RBFOX1: variants seen among roughly 807,000 people sequenced by gnomAD.
RBFOX1 encodes the protein RNA binding fox-1 homolog 1, also known as RNA binding protein fox-1 homolog 1.
RBFOX1 carries 8 observed loss-of-function variants against 57.7 expected under a neutral mutation model. The ratio of observed to expected loss-of-function variants is 0.14; its 90% confidence interval spans 0.08 to 0.25. The LOEUF (loss-of-function observed/expected upper bound fraction) is 0.25, where lower values mean the gene tolerates loss of function less well. RBFOX1 is among the 10% of genes least tolerant of loss of function. RBFOX1 has a pLI of 1.00. For missense variants in RBFOX1, 611 were observed against 548.5 expected, an observed-to-expected ratio of 1.11 and a Z score of -1.14; for synonymous variants, 326 against 222.4, an observed-to-expected ratio of 1.47 and a Z score of -4.15.
At chr16:5,843,268 A>G (rs1805786344) in intron 3 of RBFOX1, among the ~76,000 whole-genome samples, 1 of 152,178 alleles carries the variant, frequency 6.6e-6, no homozygotes, top group African/African-American at 2.4e-5. Context: ...ATAGTTATTT[A>G]TTCTGATCCT....
chr16:5,927,827 T>C (rs2058968249), intron 4 of RBFOX1, among the ~76,000 whole-genome samples: 1 of 152,168 alleles, frequency 6.6e-6, no homozygotes, highest in African/African-American at 2.4e-5. Context: ...GACCTTATGC[T>C]AAGTGAAATA....
At chr16:6,799,409 A>C (rs1379844384) in intron 3 of RBFOX1, among the ~76,000 whole-genome samples, 3 of 152,180 alleles carry the variant, frequency 2.0e-5, no homozygotes, top group African/African-American at 7.2e-5. Context: ...TAACCTAATA[A>C]GGCGTGAGTT....
At chr16:5,271,283 G>A (rs1460781632) in intron 1 of RBFOX1, among the ~76,000 whole-genome samples, 2 of 152,242 alleles carry the variant, frequency 1.3e-5, no homozygotes, top group Admixed American at 1.3e-4. Flanking sequence ...GAGGCCAGGA[G>A]TAATTTGAGC....
intron 2 of RBFOX1, among the ~76,000 whole-genome samples, chr16:6,485,143 G>C (rs1048757197): frequency 2.0e-5 from 3 of 152,202 alleles, no homozygotes; most frequent in Non-Finnish European, 2.9e-5. Flanking sequence ...AAGTCAATCA[G>C]CAACAGCTGC....
chr16:7,626,849 G>A (rs1024334401), intron 10 of RBFOX1, among the ~76,000 whole-genome samples: 7 of 152,158 alleles, frequency 4.6e-5, no homozygotes, highest in Non-Finnish European at 1.0e-4. Context: ...TCAATCATAT[G>A]CATTAATCCT....
chr16:7,209,348 A>T (rs2090653005), intron 4 of RBFOX1, among the ~76,000 whole-genome samples: 2 of 152,118 alleles, frequency 1.3e-5, no homozygotes, highest in African/African-American at 4.8e-5. Flanking sequence ...ATAAATAAAT[A>T]AATAACAAGA....
chr16:5,620,778 A>C (rs2048178572), intron 3 of RBFOX1, among the ~76,000 whole-genome samples: 1 of 152,158 alleles, frequency 6.6e-6, no homozygotes, highest in African/African-American at 2.4e-5. Context: ...TCCTGGGCTC[A>C]AGTGATCCTC....
rs1055225524 is a variant in RBFOX1 at position 7,710,097 on chromosome 16, G to A, written c.1072-526G>A. On this transcript the variant is annotated intron_variant, in intron 15 of 15. Coordinates refer to ENST00000550418, the MANE Select transcript of RBFOX1 (RefSeq NM_018723.4). ...GATTTGGAAGCATTGTTTTGCACAAGCTTAATTACATCAAGCAATTCATCT... is the reference window on the plus strand; with the variant it reads ...GATTTGGAAGCATTGTTTTGCACAAACTTAATTACATCAAGCAATTCATCT... 17 of 1,004,220 alleles carry A rather than the reference G, an allele frequency of 1.7e-5. No homozygotes were observed. In the African/African-American group the frequency reaches 3.0e-4, roughly 18 times the overall value. The allele number at this position is 1,004,220 out of a possible 1,614,324, so 62.2% of individuals were successfully genotyped here.
Position 7,265,958 on chromosome 16 carries a change from G to GTT in RBFOX1, c.27+213864_27+213865dup, listed in dbSNP as rs201372502. ...GTGAGTGAGTTATGAGATCTGGTGGGTTTTTGTTTTTTTTTTTTTTTTTTT... is the reference window on the plus strand; with the variant it reads ...GTGAGTGAGTTATGAGATCTGGTGGGTTTTTTTGTTTTTTTTTTTTTTTTTTT... On this transcript the variant is annotated intron_variant, in intron 4 of 15. Transcript: ENST00000550418. Among the ~76,000 whole-genome samples, 327 of 107,580 alleles carry GTT rather than the reference G, an allele frequency of 3.0e-3. 53 individuals are homozygous for GTT. The highest frequency in any genetic ancestry group is 0.012 in the African/African-American group (260 of 21,750). 70.6% of individuals were successfully genotyped at this position (107,580 alleles called of 152,430 possible).
chr16:6,811,117 C>T (rs11862317), intron 3 of RBFOX1, among the ~76,000 whole-genome samples: 1,812 of 152,208 alleles, frequency 0.012, 41 homozygotes, highest in African/African-American at 0.042. Context: ...GATAGAAAAG[C>T]CGATTTTGCT....
At chr16:5,798,760 C>G (rs13335862) in intron 3 of RBFOX1, among the ~76,000 whole-genome samples, 6,945 of 152,276 alleles carry the variant, frequency 0.046, 513 homozygotes, top group African/African-American at 0.16. Context: ...TTAATTAAGT[C>G]ATGCCAGAGT....
intron 2 of RBFOX1, among the ~76,000 whole-genome samples, chr16:5,478,770 G>C (rs933740867): frequency 3.9e-5 from 6 of 152,148 alleles, no homozygotes; most frequent in African/African-American, 9.7e-5. Context: ...TTGGGCAATA[G>C]GGAGCCATAG....
intron 2 of RBFOX1, among the ~76,000 whole-genome samples, chr16:6,523,273 CAGAG>C (rs374434253): frequency 1.3e-5 from 2 of 151,770 alleles, no homozygotes; most frequent in African/African-American, 4.8e-5. Flanking sequence ...AAGGAAGAGA[CAGAG>C]GGAGGGGGGG....
intron 2 of RBFOX1, among the ~76,000 whole-genome samples, chr16:6,589,551 G>A (rs777366852): frequency 2.6e-5 from 4 of 152,192 alleles, no homozygotes; most frequent in African/African-American, 4.8e-5. Context: ...AAAATATCTC[G>A]ACCACTGGTC....
chr16:5,801,549 G>T (rs1342650793), intron 3 of RBFOX1, among the ~76,000 whole-genome samples: 2 of 152,142 alleles, frequency 1.3e-5, no homozygotes, highest in Non-Finnish European at 2.9e-5. Flanking sequence ...GGGAGCTGGG[G>T]TGCATGCACG....
intron 3 of RBFOX1, among the ~76,000 whole-genome samples, chr16:5,665,495 TG>T (rs1170469722): frequency 6.6e-6 from 1 of 152,164 alleles, no homozygotes; most frequent in Non-Finnish European, 1.5e-5. Context: ...TTGCATTTCT[TG>T]AAATAGTCGC....
At chr16:5,598,253 T>C (rs1359766667) in intron 2 of RBFOX1, among the ~76,000 whole-genome samples, 7 of 149,826 alleles carry the variant, frequency 4.7e-5, no homozygotes, top group Non-Finnish European at 1.0e-4. Context: ...AAAAAAGTAG[T>C]GCATAGCATT....
At chr16:5,401,790 TC>T (rs1331732104) in intron 1 of RBFOX1, among the ~76,000 whole-genome samples, 1 of 139,386 alleles carries the variant, frequency 7.2e-6, no homozygotes, top group African/African-American at 2.8e-5. Flanking sequence ...CTCCTCCTCC[TC>T]CTCTTTCTCC....
chr16:7,699,523 A>G (rs1301280965), intron 14 of RBFOX1, among the ~76,000 whole-genome samples: 1 of 152,204 alleles, frequency 6.6e-6, no homozygotes, highest in African/African-American at 2.4e-5. Flanking sequence ...TAAAAAGAGC[A>G]CACAATAGGA....
Sources: allele counts gnomAD v4.1 joint callset (sites outside exome capture counted in the v4.1 genomes callset), GRCh38; gene constraint gnomAD v4.1.1; transcripts MANE v1.5; gene names NCBI Gene and HGNC (gene_info 2026-07-23, HGNC 2026-07-21).